The following CACNB2 variants were observed in gnomAD, a reference collection of about 807,000 sequenced individuals.
The protein encoded by CACNB2 is voltage-dependent L-type calcium channel subunit beta-2.
Under a neutral mutation model 73.3 loss-of-function variants are expected in CACNB2, and 42 were observed. The observed-to-expected ratio is 0.57, with a 90% CI of 0.45 to 0.74. The LOEUF is 0.74. Ranked by LOEUF, CACNB2 falls within the 30% of genes least tolerant of loss-of-function variation. The pLI is 0.00. For synonymous variants in CACNB2, 348 were observed against 310.3 expected (o/e 1.12, Z -1.28); for missense variants, 940 against 853.0 (o/e 1.10, Z -1.27).
At position 18,224,661 on chromosome 10, in the gene CACNB2, G is replaced by T. The variant is rs187832408; in HGVS notation, c.213+73686G>T. 1.9e-3 allele frequency among the ~76,000 whole-genome samples: 286 copies of T among 152,270 alleles called. 2 individuals carry two copies. The highest frequency in any genetic ancestry group is 6.5e-3 in the African/African-American group (271 of 41,556). On this transcript the variant is annotated intron_variant, in intron 2 of 13. Coordinates refer to ENST00000324631, the MANE Select transcript of CACNB2 (RefSeq NM_201596.3). ...AGTCTCCTGTGTCAGAGAGTAGGAG[G>T]TTATGCTTGGGAACAGAAGGCCTAC...
intron 3 of CACNB2, among the ~76,000 whole-genome samples, chr10:18,489,505 A>C (rs943939135): frequency 8.6e-5 from 13 of 150,306 alleles, no homozygotes; most frequent in African/African-American, 3.2e-4. Flanking sequence ...CAAACCCCTG[A>C]ATTCAAGCCA....
intron 3 of CACNB2, among the ~76,000 whole-genome samples, chr10:18,489,331 A>G (rs1464503235): frequency 1.4e-5 from 2 of 142,896 alleles, no homozygotes. Context: ...CGGTGGTTGC[A>G]GTGAGTTGAG....
chr10:18,408,629 A>G (rs1209515792), intron 3 of CACNB2, among the ~76,000 whole-genome samples: 5 of 152,178 alleles, frequency 3.3e-5, no homozygotes, highest in African/African-American at 1.2e-4. Flanking sequence ...TACAAAACAC[A>G]AGCCTAAAAC....
At chr10:18,416,900 C>G (rs902426403) in intron 3 of CACNB2, among the ~76,000 whole-genome samples, 8 of 151,182 alleles carry the variant, frequency 5.3e-5, no homozygotes, top group African/African-American at 1.9e-4. Context: ...TGCCCAAGCT[C>G]ACTGAGCTCA....
chr10:18,205,616 A>T (rs1293850391), intron 2 of CACNB2, among the ~76,000 whole-genome samples: 1 of 152,178 alleles, frequency 6.6e-6, no homozygotes. Flanking sequence ...ATGCAGCTTA[A>T]AATTCCATTC....
chr10:18,536,242 C>CTTTTTTTT (rs2053560893), intron 12 of CACNB2, 46 bp downstream of exon 12: 1 of 281,290 alleles, frequency 3.6e-6, no homozygotes, highest in South Asian at 4.4e-5. Flanking sequence ...AGAGATCAGA[C>CTTTTTTTT]CTTTTTTTTT....
chr10:18,340,823 G>A (rs1420153518), intron 2 of CACNB2: 3 of 1,611,548 alleles, frequency 1.9e-6, no homozygotes, highest in Non-Finnish European at 2.5e-6. Flanking sequence ...TTGCTATGCT[G>A]TTCAGCAAAG....
At chr10:18,388,556 A>ATAT (rs1278817591) in intron 2 of CACNB2, among the ~76,000 whole-genome samples, 1 of 152,146 alleles carries the variant, frequency 6.6e-6, no homozygotes, top group African/African-American at 2.4e-5. Flanking sequence ...TGTTTTTTTA[A>ATAT]TATTAAGTCT....
intron 5 of CACNB2, among the ~76,000 whole-genome samples, chr10:18,503,662 A>T (rs1016208892): frequency 1.3e-5 from 2 of 152,190 alleles, no homozygotes; most frequent in African/African-American, 4.8e-5. Context: ...GCTCCTGTCA[A>T]CTAGGTAGTA....
At chr10:18,409,620 A>T (rs1310679511) in intron 3 of CACNB2, among the ~76,000 whole-genome samples, 2 of 152,216 alleles carry the variant, frequency 1.3e-5, no homozygotes, top group Non-Finnish European at 2.9e-5. Flanking sequence ...AATTAAGAGG[A>T]AGACATTGTA....
intron 2 of CACNB2, among the ~76,000 whole-genome samples, chr10:18,267,600 C>T (rs2037868658): frequency 6.6e-6 from 1 of 151,704 alleles, no homozygotes; most frequent in South Asian, 2.1e-4. Context: ...AGTGAGACTC[C>T]ATCTCAAAAA....
At chr10:18,392,421 T>A (rs2132459991) in intron 2 of CACNB2, among the ~76,000 whole-genome samples, 1 of 152,246 alleles carries the variant, frequency 6.6e-6, no homozygotes, top group Non-Finnish European at 1.5e-5. Context: ...CTTAGAGACA[T>A]CATTGATGAC....
At chr10:18,490,908 T>G (rs982721284) in intron 3 of CACNB2, among the ~76,000 whole-genome samples, 1 of 152,076 alleles carries the variant, frequency 6.6e-6, no homozygotes, top group Non-Finnish European at 1.5e-5. Flanking sequence ...AAGGACAACC[T>G]ATTAACTAGA....
At chr10:18,399,765 G>A (rs1564506101) in intron 2 of CACNB2, among the ~76,000 whole-genome samples, 1 of 151,800 alleles carries the variant, frequency 6.6e-6, no homozygotes, top group African/African-American at 2.4e-5. Context: ...TCAAACAAAT[G>A]CAGTTTAGAC....
intron 3 of CACNB2, among the ~76,000 whole-genome samples, chr10:18,458,871 T>G (rs994484030): frequency 1.3e-5 from 2 of 150,032 alleles, no homozygotes; most frequent in African/African-American, 2.4e-5. Context: ...GTTCAAGCAA[T>G]TCTCCTGCCT....
intron 2 of CACNB2, among the ~76,000 whole-genome samples, chr10:18,334,248 T>G (rs2040915580): frequency 6.6e-6 from 1 of 152,154 alleles, no homozygotes. Flanking sequence ...GAATACGAGC[T>G]GGGACTGCAG....
intron 3 of CACNB2, among the ~76,000 whole-genome samples, chr10:18,414,991 A>G (rs117180055): frequency 6.6e-6 from 1 of 152,334 alleles, no homozygotes; most frequent in Non-Finnish European, 1.5e-5. Flanking sequence ...AAACTGTGGA[A>G]AAAAGTAGAA....
At chr10:18,168,082 ATT>A (rs2032981894) in intron 2 of CACNB2, among the ~76,000 whole-genome samples, 1 of 151,724 alleles carries the variant, frequency 6.6e-6, no homozygotes, top group Admixed American at 6.6e-5. Context: ...TTTTAAAAAA[ATT>A]GTTGTTTGTT....
At chr10:18,141,304 C>A (rs1026193498) in intron 1 of CACNB2, 61 of 1,177,956 alleles carry the variant, frequency 5.2e-5, no homozygotes, top group Non-Finnish European at 6.8e-5. Context: ...CCGGGGTGGG[C>A]GTGGGTGTGA....
Sources: gnomAD v4.1 joint callset for allele counts (sites outside exome capture counted in the v4.1 genomes callset) on GRCh38, gnomAD v4.1.1 for gene constraint, MANE v1.5 for transcripts, NCBI Gene and HGNC (gene_info 2026-07-23, HGNC 2026-07-21) for gene names.